UBASH3B: variants seen among roughly 807,000 people sequenced by gnomAD.
UBASH3B encodes ubiquitin associated and SH3 domain containing B, also known as ubiquitin-associated and SH3 domain-containing protein B.
UBASH3B carries 37 observed loss-of-function variants against 83.4 expected under a neutral mutation model. The ratio of observed to expected loss-of-function variants is 0.44; its 90% CI spans 0.34 to 0.58. The LOEUF (loss-of-function observed/expected upper bound fraction) is 0.58, where lower values mean the gene tolerates loss of function less well. Ranked by LOEUF, UBASH3B falls within the 20% of genes least tolerant of loss-of-function variation. The pLI is 0.01. For missense variants in UBASH3B, 657 were observed against 827.2 expected (o/e 0.79, Z 2.52); for synonymous variants, 304 against 318.3 (o/e 0.96, Z 0.48).
intron 1 of UBASH3B, among the ~76,000 whole-genome samples, chr11:122,751,111 C>A (rs1336918518): frequency 3.3e-5 from 2 of 59,854 alleles, no homozygotes; most frequent in Non-Finnish European, 1.1e-4. Flanking sequence ...CGCTTCCCGG[C>A]CTCTCATGTT....
At position 122,806,492 on chromosome 11, in the gene UBASH3B, A is replaced by C; in HGVS notation, c.1678A>C (p.Ile560Leu). ...ISRSFQVTKE[I>L]ISECKSKGNN... The stretch of plus-strand genomic sequence containing the variant: ...TAGAAGTTTCCAAGTAACAAAAGAA[A>C]TAATAAGTGAATGTAAAAGTAAAGG... Residue 560 changes from isoleucine to leucine, a missense_variant, in exon 12 of 14, where the codon ATA becomes CTA. Ile to Leu is a conservative substitution (Grantham distance 5, BLOSUM62 2). This residue lies in a region of UBASH3B where 573 missense variants were observed against 739.0 expected (regional missense o/e 0.78). Coordinates refer to ENST00000284273, the MANE Select transcript of UBASH3B (RefSeq NM_032873.5). The surrounding 1 kb of genome is among the most constrained non-coding windows in gnomAD (Gnocchi z 4.0). 1 of 1,605,298 alleles carries C rather than the reference A, an allele frequency of 6.2e-7. No homozygotes were observed. The highest frequency in any genetic ancestry group is 2.2e-5 in the East Asian group (1 of 44,674).
chr11:122,692,329 T>G (rs779857929), intron 1 of UBASH3B, among the ~76,000 whole-genome samples: 37 of 152,244 alleles, frequency 2.4e-4, no homozygotes, highest in Non-Finnish European at 5.0e-4. Context: ...TAAAATATTT[T>G]CTTGCTAAAC....
chr11:122,709,913 T>C (rs1864169666), intron 1 of UBASH3B, among the ~76,000 whole-genome samples: 1 of 152,082 alleles, frequency 6.6e-6, no homozygotes. Context: ...TCCCAGCACT[T>C]TGGGAGGCTG....
chr11:122,810,084 C>A lies in UBASH3B; in HGVS notation c.*198C>A. 1.7e-6 allele frequency: 1 copy of A among 600,564 alleles called. No individual in the cohort carries two copies. The allele number at this position is 600,564 out of a possible 1,614,324, so 37.2% of individuals were successfully genotyped here. A position where few individuals can be genotyped will look rare whatever the true frequency, so the allele number is the denominator to read the frequency against. On this transcript the variant is annotated 3_prime_UTR_variant, in exon 14 of 14. Coordinates refer to ENST00000284273, the MANE Select transcript of UBASH3B (RefSeq NM_032873.5). ...GATTCAGAGGAAAAAAATGTGTTCTCTCTGGACTCTTGCCTAGCTCACAAG... is the reference window on the plus strand; with the variant it reads ...GATTCAGAGGAAAAAAATGTGTTCTATCTGGACTCTTGCCTAGCTCACAAG...
chr11:122,758,488 C>G lies in UBASH3B; in HGVS notation c.162-17731C>G, dbSNP rs867698022. Reference sequence around the variant, plus strand: ...CAGACAGGCCTAGCCTGCTTAGAGTCGGGACAGCTGGAAAGGGCAGTCAGT... The same window carrying G: ...CAGACAGGCCTAGCCTGCTTAGAGTGGGGACAGCTGGAAAGGGCAGTCAGT... On this transcript the variant is annotated intron_variant, in intron 1 of 13. Coordinates refer to ENST00000284273, the MANE Select transcript of UBASH3B (RefSeq NM_032873.5). The surrounding 1 kb of genome is among the most constrained non-coding windows in gnomAD (Gnocchi z 4.2). 6.6e-6 allele frequency among the ~76,000 whole-genome samples: 1 copy of G among 152,114 alleles called. No homozygotes were observed. Among genetic ancestry groups the G allele is most frequent in the Non-Finnish European group, 1.5e-5 (1 of 68,028 alleles).
At chr11:122,790,939 A>G (rs1861042319) in intron 6 of UBASH3B, among the ~76,000 whole-genome samples, 1 of 151,638 alleles carries the variant, frequency 6.6e-6, no homozygotes, top group African/African-American at 2.4e-5. Context: ...CAACAGAGCA[A>G]GACTTTGTCT....
intron 3 of UBASH3B, among the ~76,000 whole-genome samples, chr11:122,778,177 A>G (rs1008152057): frequency 6.6e-6 from 1 of 152,174 alleles, no homozygotes; most frequent in East Asian, 1.9e-4. Flanking sequence ...ATTTTTATAA[A>G]AAATATTTTG....
chr11:122,806,406 A>G lies in UBASH3B; in HGVS notation c.1596-4A>G. On this transcript the variant is annotated splice_polypyrimidine_tract_variant and splice_region_variant and intron_variant, in intron 11 of 13. Transcript: ENST00000284273. This position sits in a 1 kb window ranked among gnomAD's most constrained non-coding sequence, Gnocchi z 4.0. ...CATTTCCTTTGTTCATTTTTCTATT[A>G]CAGACCTCACATTCCAATCAGCAAA... is the stretch of plus-strand genomic sequence containing the variant. 6.3e-7 allele frequency: 1 copy of G among 1,599,410 alleles called. No homozygotes were observed. The highest frequency in any genetic ancestry group is 8.5e-7 in the Non-Finnish European group (1 of 1,175,168).
chr11:122,700,308 C>A (rs958718631), intron 1 of UBASH3B, among the ~76,000 whole-genome samples: 9 of 152,064 alleles, frequency 5.9e-5, no homozygotes, highest in African/African-American at 2.2e-4. Flanking sequence ...AGGCTCTGAC[C>A]AGAGTTACAC....
chr11:122,725,340 A>AG (rs1425094377), intron 1 of UBASH3B, among the ~76,000 whole-genome samples: 1 of 135,174 alleles, frequency 7.4e-6, no homozygotes, highest in African/African-American at 2.6e-5. Flanking sequence ...AAAAAAAAAA[A>AG]AAAAGAAAAG....
At chr11:122,782,968 G>A (rs1860881413) in intron 4 of UBASH3B, 85 bp from the exon 5 acceptor site, 13 of 1,474,542 alleles carry the variant, frequency 8.8e-6, no homozygotes, top group South Asian at 4.1e-5. Context: ...ATTTCTCAGG[G>A]TACCTTTCTA....
At chr11:122,668,489 G>A (rs958072408) in intron 1 of UBASH3B, among the ~76,000 whole-genome samples, 1 of 152,102 alleles carries the variant, frequency 6.6e-6, no homozygotes, top group Non-Finnish European at 1.5e-5. Context: ...CTCTAGGTGG[G>A]TGAGATGCTT....
chr11:122,672,432 G>C (rs559806083), intron 1 of UBASH3B, among the ~76,000 whole-genome samples: 30 of 151,896 alleles, frequency 2.0e-4, no homozygotes, highest in African/African-American at 7.0e-4. Flanking sequence ...CGATTCTTCT[G>C]CCTCAACCTC....
intron 1 of UBASH3B, among the ~76,000 whole-genome samples, chr11:122,744,373 C>G (rs1020320686): frequency 8.6e-5 from 13 of 152,036 alleles, no homozygotes; most frequent in Admixed American, 3.3e-4. Context: ...GAGCGTGTGA[C>G]TGTGAGTGGT....
At chr11:122,767,209 C>T (rs145494835) in intron 1 of UBASH3B, among the ~76,000 whole-genome samples, 6,629 of 149,994 alleles carry the variant, frequency 0.044, 352 homozygotes, top group African/African-American at 0.12. Context: ...ACCCGGGAAG[C>T]GGAGGTCACA....
chr11:122,674,766 A>T (rs11218745), intron 1 of UBASH3B, among the ~76,000 whole-genome samples: 35,671 of 125,018 alleles, frequency 0.29, 4,563 homozygotes, highest in Middle Eastern at 0.41. Context: ...TCTCGCTCTG[A>T]GGCCCAGGCT....
At chr11:122,696,490 T>C (rs1000776784) in intron 1 of UBASH3B, among the ~76,000 whole-genome samples, 3 of 152,112 alleles carry the variant, frequency 2.0e-5, no homozygotes, top group African/African-American at 7.2e-5. Flanking sequence ...TTTGCATTTT[T>C]AGTCGAGACA....
In UBASH3B at chr11:122,803,893, T is replaced by C. The variant is rs1281472336; in HGVS notation, c.1596-2517T>C. Among the ~76,000 whole-genome samples, 12 of 152,122 alleles carry C rather than the reference T, an allele frequency of 7.9e-5. No homozygotes were observed. In the East Asian group the frequency reaches 2.3e-3, roughly 30 times the overall value. Reference sequence around the variant, plus strand: ...CTGACTCTGAGGACAGTACAGGGCCTGCAGGTGTGGCTAGCAGCATGACGT... The same window carrying C: ...CTGACTCTGAGGACAGTACAGGGCCCGCAGGTGTGGCTAGCAGCATGACGT... On this transcript the variant is annotated intron_variant, in intron 11 of 13. Transcript: ENST00000284273.
chr11:122,670,826 G>A (rs1863584671), intron 1 of UBASH3B, among the ~76,000 whole-genome samples: 1 of 151,666 alleles, frequency 6.6e-6, no homozygotes, highest in Non-Finnish European at 1.5e-5. Flanking sequence ...GCAATGGTGC[G>A]ACTGTGGCTC....
Sources: allele counts gnomAD v4.1 joint callset (sites outside exome capture counted in the v4.1 genomes callset), GRCh38; gene constraint gnomAD v4.1.1; regional missense constraint gnomAD v4.1.1; non-coding constraint Gnocchi (gnomAD v3.1); transcripts MANE v1.5; gene names NCBI Gene and HGNC (gene_info 2026-07-23, HGNC 2026-07-21).